Variants in CACNB2 observed in about 807,000 individuals in gnomAD.
The protein encoded by CACNB2 is calcium voltage-gated channel auxiliary subunit beta 2, also known as voltage-dependent L-type calcium channel subunit beta-2.
In CACNB2, 42 loss-of-function variants were observed where a neutral mutation model predicts 73.3. That is an observed-to-expected ratio of 0.57 (90% CI 0.45 to 0.74). The LOEUF is 0.74. CACNB2 is among the 30% of genes least tolerant of loss of function. The pLI is 0.00. For missense variants in CACNB2, 940 were observed against 853.0 expected (o/e 1.10, Z -1.27); for synonymous variants, 348 against 310.3 (o/e 1.12, Z -1.28).
chr10:18,196,569 C>A (rs2034635037), intron 2 of CACNB2, among the ~76,000 whole-genome samples: 1 of 152,182 alleles, frequency 6.6e-6, no homozygotes, highest in Non-Finnish European at 1.5e-5. Flanking sequence ...CTGTCCACCT[C>A]AACCTCCCGA....
At chr10:18,175,716 G>A (rs971372840) in intron 2 of CACNB2, among the ~76,000 whole-genome samples, 9 of 152,134 alleles carry the variant, frequency 5.9e-5, no homozygotes, top group Non-Finnish European at 1.0e-4. Flanking sequence ...TCCTGCCTCA[G>A]CCTCCTGAAT....
intron 2 of CACNB2, among the ~76,000 whole-genome samples, chr10:18,325,188 A>G (rs1048982170): frequency 1.3e-5 from 2 of 151,930 alleles, no homozygotes; most frequent in African/African-American, 4.8e-5. Flanking sequence ...CCTCAAACCT[A>G]GTTGGTTTTT....
intron 1 of CACNB2, among the ~76,000 whole-genome samples, chr10:18,150,017 A>G (rs559001251): frequency 7.2e-5 from 11 of 152,358 alleles, no homozygotes; most frequent in African/African-American, 2.6e-4. Context: ...CCAGGATTCT[A>G]ACCTGTGTGC....
At chr10:18,467,296 A>G (rs906612580) in intron 3 of CACNB2, among the ~76,000 whole-genome samples, 2 of 152,234 alleles carry the variant, frequency 1.3e-5, no homozygotes, top group Non-Finnish European at 2.9e-5. Flanking sequence ...TCAAATATTT[A>G]CTAACTGGCA....
intron 2 of CACNB2, among the ~76,000 whole-genome samples, chr10:18,335,129 TAA>T (rs569772641): frequency 6.2e-5 from 9 of 144,156 alleles, no homozygotes; most frequent in Admixed American, 6.9e-5. Context: ...GTATGAAAAG[TAA>T]AAAAAAAAAA....
At chr10:18,314,877 C>T (rs895571631) in intron 2 of CACNB2, among the ~76,000 whole-genome samples, 2 of 152,174 alleles carry the variant, frequency 1.3e-5, no homozygotes, top group Non-Finnish European at 2.9e-5. Flanking sequence ...AACACTTACA[C>T]TAAAAACTTA....
intron 2 of CACNB2, among the ~76,000 whole-genome samples, chr10:18,255,544 T>A (rs1359919149): frequency 2.0e-5 from 3 of 152,198 alleles, no homozygotes; most frequent in Non-Finnish European, 4.4e-5. Context: ...GGCAAGGACA[T>A]TGGTTGTTTT....
At chr10:18,512,336 G>T (rs937394371) in intron 6 of CACNB2, among the ~76,000 whole-genome samples, 3 of 152,140 alleles carry the variant, frequency 2.0e-5, no homozygotes, top group African/African-American at 7.2e-5. Flanking sequence ...TTGGGACCCA[G>T]TGTTTTCCCA....
At chr10:18,306,530 A>G (rs1049675253) in intron 2 of CACNB2, among the ~76,000 whole-genome samples, 1 of 152,180 alleles carries the variant, frequency 6.6e-6, no homozygotes, top group African/African-American at 2.4e-5. Context: ...AATGTGAGAG[A>G]GGCAGAAGAA....
chr10:18,501,193 G>A (rs2050174192), intron 5 of CACNB2, among the ~76,000 whole-genome samples: 1 of 152,226 alleles, frequency 6.6e-6, no homozygotes, highest in Non-Finnish European at 1.5e-5. Flanking sequence ...AGGTCATAGA[G>A]TATTAAATTC....
intron 4 of CACNB2, chr10:18,498,699 G>C: frequency 1.9e-6 from 1 of 521,902 alleles, no homozygotes; most frequent in Non-Finnish European, 3.4e-6. Context: ...AGCGCTCCCT[G>C]GGGCTCTGTG....
intron 1 of CACNB2, among the ~76,000 whole-genome samples, chr10:18,146,832 A>C (rs1000918149): frequency 6.6e-6 from 1 of 152,192 alleles, no homozygotes; most frequent in Non-Finnish European, 1.5e-5. Context: ...CATGTTGGCC[A>C]GGCTAGTGTC....
intron 2 of CACNB2, among the ~76,000 whole-genome samples, chr10:18,357,357 TACTG>T (rs2041964151): frequency 6.6e-6 from 1 of 152,098 alleles, no homozygotes; most frequent in Non-Finnish European, 1.5e-5. Context: ...TGGGTCAAAA[TACTG>T]ACCCAATGAA....
chr10:18,536,047 G>A, intron 11 of CACNB2, 54 bp from the exon 12 acceptor site: 1 of 1,062,896 alleles, frequency 9.4e-7, no homozygotes, highest in Admixed American at 1.7e-5. Context: ...AATGTACCTT[G>A]TACTTTACCT....
At chr10:18,488,609 A>C (rs2049213830) in intron 3 of CACNB2, among the ~76,000 whole-genome samples, 1 of 152,008 alleles carries the variant, frequency 6.6e-6, no homozygotes, top group Non-Finnish European at 1.5e-5. Context: ...CCATCGTTCT[A>C]ACATGTGAAG....
At position 18,277,965 on chromosome 10, in the gene CACNB2, G is replaced by A. The variant is rs553177092; in HGVS notation, c.214-123959G>A. Among the ~76,000 whole-genome samples, 37 of 152,218 alleles carry A rather than the reference G, an allele frequency of 2.4e-4. No individual in the cohort carries two copies. In the South Asian group the frequency reaches 3.9e-3, roughly 16 times the overall value. ...TATAACACAATGTGATTAATTAGACGTATATTTTGGCTCAAATCTTGGATT... is the reference window on the plus strand; with the variant it reads ...TATAACACAATGTGATTAATTAGACATATATTTTGGCTCAAATCTTGGATT... On this transcript the variant is annotated intron_variant, in intron 2 of 13. Transcript: ENST00000324631.
intron 3 of CACNB2, among the ~76,000 whole-genome samples, chr10:18,492,395 C>G (rs925879073): frequency 3.3e-5 from 5 of 152,020 alleles, no homozygotes; most frequent in Non-Finnish European, 2.9e-5. Flanking sequence ...CCGAGGCAAG[C>G]GGATCACCTG....
intron 2 of CACNB2, among the ~76,000 whole-genome samples, chr10:18,349,888 C>T (rs1464224969): frequency 1.3e-5 from 2 of 152,074 alleles, no homozygotes; most frequent in African/African-American, 2.4e-5. Context: ...AATAAAAACC[C>T]ACCTGTATTG....
chr10:18,209,058 G>A (rs961297778), intron 2 of CACNB2, among the ~76,000 whole-genome samples: 1 of 152,174 alleles, frequency 6.6e-6, no homozygotes, highest in Non-Finnish European at 1.5e-5. Context: ...CAGATTAGCT[G>A]CCATTCCACA....
Sources: allele counts gnomAD v4.1 joint callset (sites outside exome capture counted in the v4.1 genomes callset), GRCh38; gene constraint gnomAD v4.1.1; transcripts MANE v1.5; gene names NCBI Gene and HGNC (gene_info 2026-07-23, HGNC 2026-07-21).